Variants in YWHAZ observed in about 807,000 individuals in gnomAD.
YWHAZ encodes tyrosine 3-monooxygenase/tryptophan 5-monooxygenase activation protein zeta.
For synonymous variants in YWHAZ, 87 were observed against 103.6 expected, an observed-to-expected ratio of 0.84 and a Z score of 0.97; for missense variants, 79 against 284.8, an observed-to-expected ratio of 0.28 and a Z score of 5.20.
At chr8:100,920,782 A>C in intron 5 of YWHAZ, 30 bp from the exon 6 acceptor site, 2 of 371,518 alleles carry the variant, frequency 5.4e-6, no homozygotes, top group Non-Finnish European at 9.8e-6. Flanking sequence ...TTTTTCAGCA[A>C]GTTTCAGTGG....
rs1342731798 is a variant in YWHAZ at position 100,918,495 on chromosome 8, A to G, written c.*2198T>C. On this transcript the variant is annotated 3_prime_UTR_variant, in exon 6 of 6. Transcript: ENST00000395958. The stretch of plus-strand genomic sequence containing the variant: ...GTCAGGAGAAATCAGTAAGTGAGGT[A>G]AAAGAAAGAGCTGCGAGGGAAAAGG... 2.1e-5 allele frequency: 3 copies of G among 141,138 alleles called. No homozygotes were observed. Among genetic ancestry groups the G allele is most frequent in the Admixed American group, 1.5e-4 (2 of 13,388 alleles). 8.7% of individuals were successfully genotyped at this position (141,138 alleles called of 1,614,324 possible). A position where few individuals can be genotyped will look rare whatever the true frequency, so the allele number is the denominator to read the frequency against.
chr8:100,949,656 A>T (rs1339609537), intron 1 of YWHAZ, among the ~76,000 whole-genome samples: 1 of 152,212 alleles, frequency 6.6e-6, no homozygotes, highest in African/African-American at 2.4e-5. Flanking sequence ...GTACTAGAAT[A>T]TATCACATTG....
chr8:100,952,499 C>G (rs1259959256), upstream of YWHAZ: 1 of 154,944 alleles, frequency 6.5e-6, no homozygotes, highest in Non-Finnish European at 1.4e-5. Context: ...CCCGTCTGCG[C>G]TTGCCCCAGT....
chr8:100,918,408 T>TTATATATATACATATATATATA lies in YWHAZ; in HGVS notation c.*2284_*2285insTATATATATATGTATATATATA, dbSNP rs1812799867. The TTATATATATACATATATATATA allele has an allele frequency of 4.8e-5, 2 of 41,882 alleles. No individual in the cohort carries two copies. The highest frequency in any genetic ancestry group is 1.4e-4 in the African/African-American group (2 of 14,100). The allele number at this position is 41,882 out of a possible 1,614,324, so 2.6% of individuals were successfully genotyped here. On this transcript the variant is annotated 3_prime_UTR_variant, in exon 6 of 6. Transcript: ENST00000395958. Reference sequence around the variant, plus strand: ...AGTCTAGCTATAAAATATAATTACTTTATATATATATATATATATATATAT... The same window carrying TTATATATATACATATATATATA: ...AGTCTAGCTATAAAATATAATTACTTTATATATATACATATATATATATATATATATATATATATATATATAT...
chr8:100,951,717 GAAGC>G (rs1411740435), intron 1 of YWHAZ: 3 of 985,364 alleles, frequency 3.0e-6, no homozygotes, highest in Non-Finnish European at 3.6e-6. Context: ...CGTCGATGCG[GAAGC>G]AAGGAGCCGG....
chr8:100,930,355 C>G (rs1813681164), intron 2 of YWHAZ, among the ~76,000 whole-genome samples: 1 of 152,180 alleles, frequency 6.6e-6, no homozygotes, highest in Non-Finnish European at 1.5e-5. Context: ...CCTCAGCCTC[C>G]CAAAGTGCTG....
intron 2 of YWHAZ, among the ~76,000 whole-genome samples, chr8:100,944,001 A>AG (rs1259940887): frequency 2.0e-5 from 3 of 151,758 alleles, no homozygotes; most frequent in Admixed American, 1.3e-4. Flanking sequence ...AAAAAAAGAA[A>AG]AAAGAAAAAA....
At chr8:100,930,608 TTCC>T (rs1211675983) in intron 2 of YWHAZ, among the ~76,000 whole-genome samples, 3 of 152,232 alleles carry the variant, frequency 2.0e-5, no homozygotes, top group Non-Finnish European at 4.4e-5. Context: ...TCCACAGTAT[TTCC>T]TCAGTTTACT....
chr8:100,927,002 C>T (rs17365578), intron 2 of YWHAZ, among the ~76,000 whole-genome samples: 6,166 of 152,240 alleles, frequency 0.041, 147 homozygotes, highest in Non-Finnish European at 0.057. Flanking sequence ...CACTATACAC[C>T]GTGTGAACTA....
chr8:100,950,793 C>T, intron 1 of YWHAZ: 1 of 177,228 alleles, frequency 5.6e-6, no homozygotes, highest in Non-Finnish European at 1.1e-5. Flanking sequence ...TCCCCGCCAC[C>T]GATCAGCGCC....
intron 2 of YWHAZ, among the ~76,000 whole-genome samples, chr8:100,944,635 G>C (rs1810129771): frequency 6.6e-6 from 1 of 152,136 alleles, no homozygotes; most frequent in African/African-American, 2.4e-5. Context: ...AATTTTAAAG[G>C]CTTCTTCAAT....
Position 100,948,207 on chromosome 8 carries a change from T to G in YWHAZ, c.294+389A>C. On this transcript the variant is annotated intron_variant, in intron 2 of 5. Coordinates refer to ENST00000395958, the MANE Select transcript of YWHAZ (RefSeq NM_145690.3). The surrounding 1 kb of genome is among the most constrained non-coding windows in gnomAD (Gnocchi z 4.2). ...ACTATTTCTACAATGAGTATCCTAT[T>G]ACATCTCTCTTACCTAAAGTATGTA... 7.3e-7 allele frequency: 1 copy of G among 1,369,862 alleles called. No homozygotes were observed. The highest frequency in any genetic ancestry group is 9.8e-7 in the Non-Finnish European group (1 of 1,015,726). The allele number at this position is 1,369,862 out of a possible 1,614,324, so 84.9% of individuals were successfully genotyped here. A position where few individuals can be genotyped will look rare whatever the true frequency, so the allele number is the denominator to read the frequency against.
At chr8:100,949,886 T>G (rs1035931519) in intron 1 of YWHAZ, among the ~76,000 whole-genome samples, 5 of 152,332 alleles carry the variant, frequency 3.3e-5, no homozygotes, top group Admixed American at 2.0e-4. Context: ...CTTTTGCAAG[T>G]TGCCGAACAG....
At chr8:100,951,826 C>G in intron 1 of YWHAZ, 103 bp downstream of exon 1, 1 of 985,618 alleles carries the variant, frequency 1.0e-6, no homozygotes, top group Non-Finnish European at 1.2e-6. Flanking sequence ...GCCGCCACCG[C>G]GGGGCGAGTG....
Position 100,917,511 on chromosome 8 carries a change from A to C in YWHAZ, c.*3182T>G, listed in dbSNP as rs1812755032. 2 of 152,080 alleles carry C rather than the reference A, an allele frequency of 1.3e-5. No homozygotes were observed. Among genetic ancestry groups the C allele is most frequent in the Admixed American group, 6.5e-5 (1 of 15,280 alleles). The allele number at this position is 152,080 out of a possible 1,614,324, so 9.4% of individuals were successfully genotyped here. A position where few individuals can be genotyped will look rare whatever the true frequency, so the allele number is the denominator to read the frequency against. On this transcript the variant is annotated 3_prime_UTR_variant, in exon 6 of 6. Transcript: ENST00000395958. The stretch of plus-strand genomic sequence containing the variant: ...GAGGTGGGCGGATCACAAGGTCAGG[A>C]GAATGAGACCATCATGGCTAACACG...
chr8:100,951,988 C>T lies in YWHAZ; in HGVS notation c.-71G>A. The T allele has an allele frequency of 7.0e-6, 7 of 1,004,454 alleles. No individual in the cohort carries two copies. Among genetic ancestry groups the T allele is most frequent in the Non-Finnish European group, 8.3e-6 (7 of 842,942 alleles). 62.2% of individuals were successfully genotyped at this position (1,004,454 alleles called of 1,614,324 possible). A position where few individuals can be genotyped will look rare whatever the true frequency, so the allele number is the denominator to read the frequency against. ...GGGCTCAGCAGTCTCTGGGCGGCGGCGGCGGCAGCAGCGGCGAGGCTGAGA... is the reference window on the plus strand; with the variant it reads ...GGGCTCAGCAGTCTCTGGGCGGCGGTGGCGGCAGCAGCGGCGAGGCTGAGA... On this transcript the variant is annotated 5_prime_UTR_variant, in exon 1 of 6. Coordinates refer to ENST00000395958, the MANE Select transcript of YWHAZ (RefSeq NM_145690.3).
At position 100,951,370 on chromosome 8, in the gene YWHAZ, C is replaced by T. The variant is rs1325781599; in HGVS notation, c.-12+559G>A. 6.1e-5 allele frequency: 60 copies of T among 984,258 alleles called. 1 individual carries two copies. Among genetic ancestry groups the T allele is most frequent in the Middle Eastern group, 1.0e-3 (2 of 1,934 alleles). 61.0% of individuals were successfully genotyped at this position (984,258 alleles called of 1,614,324 possible). The stretch of plus-strand genomic sequence containing the variant: ...CCCGGGGTGGGGGAGGGCCGGGTCC[C>T]GCCGCCGCAGCGCCCAGCGCGGAGG... On this transcript the variant is annotated intron_variant, in intron 1 of 5. Coordinates refer to ENST00000395958, the MANE Select transcript of YWHAZ (RefSeq NM_145690.3).
intron 2 of YWHAZ, among the ~76,000 whole-genome samples, chr8:100,944,880 T>C (rs1810149025): frequency 6.6e-6 from 1 of 152,218 alleles, no homozygotes; most frequent in Non-Finnish European, 1.5e-5. Flanking sequence ...ATCTATTAAA[T>C]GGTAAAACTA....
rs55947914 is a variant in YWHAZ, at chr8:100,926,198, A to ATTTT, written c.295-1163_295-1160dup. ...AGTTTTAACCCAACTTCTTCCCCCA[A>ATTTT]TTTTTTTTTTTTTTTTTTTTACAAC... On this transcript the variant is annotated intron_variant, in intron 2 of 5. Coordinates refer to ENST00000395958, the MANE Select transcript of YWHAZ (RefSeq NM_145690.3). Among the ~76,000 whole-genome samples the ATTTT allele has an allele frequency of 9.0e-3, 1,280 of 142,028 alleles. 18 individuals are homozygous for ATTTT. The highest frequency in any genetic ancestry group is 0.031 in the African/African-American group (1,167 of 38,238). 93.2% of individuals were successfully genotyped at this position (142,028 alleles called of 152,430 possible). A position where few individuals can be genotyped will look rare whatever the true frequency, so the allele number is the denominator to read the frequency against.
Sources: allele counts gnomAD v4.1 joint callset (sites outside exome capture counted in the v4.1 genomes callset), GRCh38; gene constraint gnomAD v4.1.1; non-coding constraint Gnocchi (gnomAD v3.1); transcripts MANE v1.5; gene names NCBI Gene and HGNC (gene_info 2026-07-23, HGNC 2026-07-21).